The following FHIT variants were observed in gnomAD, a reference collection of about 807,000 sequenced individuals.
The protein encoded by FHIT is bis(5'-adenosyl)-triphosphatase.
FHIT carries 19 observed loss-of-function variants against 17.9 expected under a neutral mutation model. That is an observed-to-expected ratio of 1.06 (90% confidence interval 0.74 to 1.56). FHIT has a LOEUF of 1.56. Ranked by LOEUF, FHIT falls within the 40% of genes most tolerant of loss-of-function variation. The pLI, the probability that FHIT is intolerant of heterozygous loss-of-function variation, is 0.00. For synonymous variants in FHIT, 81 were observed against 69.7 expected (o/e 1.16, Z -0.81); for missense variants, 248 against 189.2 (o/e 1.31, Z -1.82).
chr3:61,094,509 G>A (rs761387447), intron 2 of FHIT, among the ~76,000 whole-genome samples: 1 of 152,152 alleles, frequency 6.6e-6, no homozygotes, highest in Admixed American at 6.5e-5. Context: ...CTGGTTATCC[G>A]CAGGACAGAT....
intron 5 of FHIT, among the ~76,000 whole-genome samples, chr3:60,162,031 G>A (rs1462410142): frequency 6.6e-6 from 1 of 152,166 alleles, no homozygotes; most frequent in Non-Finnish European, 1.5e-5. Context: ...GTACAGGACA[G>A]ATCACCAGGA....
chr3:60,419,016 G>A (rs939125693), intron 5 of FHIT, among the ~76,000 whole-genome samples: 4 of 152,122 alleles, frequency 2.6e-5, no homozygotes, highest in African/African-American at 9.7e-5. Flanking sequence ...TATCCCAAAT[G>A]ACCTTCATCA....
At chr3:60,167,818 C>G (rs1172749061) in intron 5 of FHIT, among the ~76,000 whole-genome samples, 1 of 152,094 alleles carries the variant, frequency 6.6e-6, no homozygotes, top group Non-Finnish European at 1.5e-5. Context: ...ATCAGTTGAG[C>G]TCAGGAATTT....
At chr3:60,442,827 G>C (rs957774040) in intron 5 of FHIT, among the ~76,000 whole-genome samples, 3 of 152,178 alleles carry the variant, frequency 2.0e-5, no homozygotes, top group African/African-American at 7.2e-5. Context: ...TTGGTAGCTT[G>C]ATGGGGATGG....
Position 59,757,382 on chromosome 3 carries a change from G to C in FHIT, c.349-5061C>G, listed in dbSNP as rs115924070. On this transcript the variant is annotated intron_variant, in intron 8 of 9. Transcript: ENST00000492590. ...TCTGCTAGAAATGGTTTTTGGGGAA[G>C]GTAGTGTTAACAGGATTTCTGACTG... Among the ~76,000 whole-genome samples, 361 of 152,270 alleles carry C rather than the reference G, an allele frequency of 2.4e-3. 1 individual carries two copies. Among genetic ancestry groups the C allele is most frequent in the Non-Finnish European group, 4.1e-3 (277 of 68,020 alleles).
intron 8 of FHIT, among the ~76,000 whole-genome samples, chr3:59,811,383 C>T (rs1036020481): frequency 1.3e-5 from 2 of 152,094 alleles, no homozygotes; most frequent in African/African-American, 2.4e-5. Context: ...TTTTTTTAGC[C>T]AGCATGTGGG....
At chr3:60,540,535 C>T (rs1438078394) in intron 4 of FHIT, among the ~76,000 whole-genome samples, 1 of 152,200 alleles carries the variant, frequency 6.6e-6, no homozygotes, top group Non-Finnish European at 1.5e-5. Flanking sequence ...AATCAAAGGA[C>T]ATCCAGCTGG....
Position 60,011,442 on chromosome 3 carries a change from T to C in FHIT, c.250-42A>G, listed in dbSNP as rs756422851. The stretch of plus-strand genomic sequence containing the variant: ...ACCAACAGAGGTGAGAATAGATAGA[T>C]GGTATCTCCTGCTTATTCAGAAATA... On this transcript the variant is annotated intron_variant, in intron 6 of 9. Coordinates refer to ENST00000492590, the MANE Select transcript of FHIT (RefSeq NM_002012.4). 7.3e-6 allele frequency: 11 copies of C among 1,513,700 alleles called. No homozygotes were observed. In the Middle Eastern group the frequency reaches 5.1e-4, roughly 70 times the overall value. 93.8% of individuals were successfully genotyped at this position (1,513,700 alleles called of 1,614,324 possible). A position where few individuals can be genotyped will look rare whatever the true frequency, so the allele number is the denominator to read the frequency against.
intron 1 of FHIT, among the ~76,000 whole-genome samples, chr3:61,213,155 A>G (rs2039544988): frequency 6.6e-6 from 1 of 152,222 alleles, no homozygotes; most frequent in African/African-American, 2.4e-5. Context: ...ACACATAACA[A>G]TATTAACTTT....
chr3:60,280,771 A>G (rs1451650734), intron 5 of FHIT, among the ~76,000 whole-genome samples: 1 of 152,190 alleles, frequency 6.6e-6, no homozygotes, highest in Non-Finnish European at 1.5e-5. Flanking sequence ...ACTGAGAACA[A>G]GGCAAGATTT....
intron 4 of FHIT, chr3:60,537,363 G>C (rs1306508394): frequency 3.9e-6 from 2 of 517,970 alleles, no homozygotes; most frequent in Non-Finnish European, 5.0e-6. Flanking sequence ...TTTTCATTAA[G>C]TATTAACTAT....
At chr3:60,379,518 A>G (rs940444864) in intron 5 of FHIT, among the ~76,000 whole-genome samples, 3 of 152,224 alleles carry the variant, frequency 2.0e-5, no homozygotes, top group African/African-American at 7.2e-5. Context: ...AGTTAGAGAT[A>G]GTTTTCTTTC....
chr3:60,189,350 G>A lies in FHIT; in HGVS notation c.104-175198C>T, dbSNP rs146699365. 3.1e-3 allele frequency among the ~76,000 whole-genome samples: 468 copies of A among 152,202 alleles called. 3 individuals carry two copies. The highest frequency in any genetic ancestry group is 0.01 in the African/African-American group (419 of 41,538). On this transcript the variant is annotated intron_variant, in intron 5 of 9. Coordinates refer to ENST00000492590, the MANE Select transcript of FHIT (RefSeq NM_002012.4). ...AAAGTTCCTTTTCAGTGAATAAATT[G>A]CATGTGGCAATGTAATTTTCTTAAA...
intron 3 of FHIT, among the ~76,000 whole-genome samples, chr3:60,928,895 T>G (rs537442304): frequency 2.0e-5 from 3 of 152,276 alleles, no homozygotes; most frequent in Admixed American, 1.3e-4. Context: ...TACCAAAGCC[T>G]GGCAGAGACA....
chr3:61,046,810 C>T (rs2033810917), intron 2 of FHIT, among the ~76,000 whole-genome samples: 2 of 152,188 alleles, frequency 1.3e-5, no homozygotes, highest in Non-Finnish European at 2.9e-5. Context: ...AAGTTGGCTT[C>T]ATCCCTGGGA....
At chr3:60,098,477 C>A (rs906275513) in intron 5 of FHIT, among the ~76,000 whole-genome samples, 2 of 151,900 alleles carry the variant, frequency 1.3e-5, no homozygotes, top group Non-Finnish European at 2.9e-5. Flanking sequence ...TGATGATGAG[C>A]ATTTTTTCAT....
At chr3:60,843,011 C>G (rs138348794) in intron 3 of FHIT, among the ~76,000 whole-genome samples, 1 of 152,056 alleles carries the variant, frequency 6.6e-6, no homozygotes, top group Admixed American at 6.6e-5. Context: ...CATAGATATA[C>G]CAAAGATTTA....
chr3:61,173,257 T>C (rs796391623), intron 2 of FHIT, among the ~76,000 whole-genome samples: 3 of 152,120 alleles, frequency 2.0e-5, no homozygotes, highest in Admixed American at 6.6e-5. Flanking sequence ...TATTTTCTCA[T>C]TGGAGCTGCT....
intron 1 of FHIT, among the ~76,000 whole-genome samples, chr3:61,208,886 T>C (rs931122781): frequency 1.3e-5 from 2 of 152,052 alleles, no homozygotes; most frequent in Admixed American, 6.6e-5. Flanking sequence ...TTTCGCTCAT[T>C]AGTTGATGTG....
Sources: gnomAD v4.1 joint callset for allele counts (sites outside exome capture counted in the v4.1 genomes callset) on GRCh38, gnomAD v4.1.1 for gene constraint, MANE v1.5 for transcripts, NCBI Gene and HGNC (gene_info 2026-07-23, HGNC 2026-07-21) for gene names.